PAH: variants seen among roughly 807,000 people sequenced by gnomAD.
The protein encoded by PAH is phenylalanine hydroxylase.
Under a neutral mutation model 62.0 loss-of-function variants are expected in PAH, and 64 were observed. That is an observed-to-expected ratio of 1.03 (90% CI 0.84 to 1.27). The LOEUF (loss-of-function observed/expected upper bound fraction) is 1.27, where lower values mean the gene tolerates loss of function less well. Among genes scored for constraint, PAH ranks in the 50% most tolerant of loss-of-function variants. PAH has a pLI of 0.00. For missense variants in PAH, 579 were observed against 542.8 expected (o/e 1.07, Z -0.66); for synonymous variants, 195 against 196.2 (o/e 0.99, Z 0.05).
At chr12:102,886,920 A>G (rs1455794829) in intron 3 of PAH, among the ~76,000 whole-genome samples, 1 of 152,160 alleles carries the variant, frequency 6.6e-6, no homozygotes, top group Non-Finnish European at 1.5e-5. Flanking sequence ...ATTAGGAGAT[A>G]GATGTGAATG....
chr12:102,882,661 TATATATATATATATAA>T (rs199689051), intron 3 of PAH, among the ~76,000 whole-genome samples: 26,158 of 101,784 alleles, frequency 0.26, 3,291 homozygotes, highest in East Asian at 0.69. Context: ...TATATATATA[TATATATATATATATAA>T]AATTTTTTTC....
At chr12:102,851,644 G>T in intron 8 of PAH, 43 bp downstream of exon 8, 1 of 1,542,528 alleles carries the variant, frequency 6.5e-7, no homozygotes, top group Non-Finnish European at 9.0e-7. Flanking sequence ...AGAAATTCAG[G>T]TCACAGACCT....
At chr12:102,954,037 G>A (rs892844470), upstream of PAH, among the ~76,000 whole-genome samples, 24 of 152,288 alleles carry the variant, frequency 1.6e-4, no homozygotes, top group Middle Eastern at 6.8e-3. Context: ...AGATAAATGG[G>A]ACATTGTTCA....
chr12:102,932,792 GT>G (rs962469809), intron 1 of PAH, among the ~76,000 whole-genome samples: 22 of 151,952 alleles, frequency 1.4e-4, no homozygotes, highest in African/African-American at 5.1e-4. Flanking sequence ...CTACTGAAAG[GT>G]TTTTCATTAT....
chr12:102,874,846 G>A (rs1405468371), intron 4 of PAH, among the ~76,000 whole-genome samples: 1 of 152,202 alleles, frequency 6.6e-6, no homozygotes, highest in Non-Finnish European at 1.5e-5. Flanking sequence ...TTTTCAAAGT[G>A]ACTGCTTTGG....
chr12:102,889,947 G>A (rs914288763), intron 3 of PAH, among the ~76,000 whole-genome samples: 1 of 152,192 alleles, frequency 6.6e-6, no homozygotes, highest in Non-Finnish European at 1.5e-5. Context: ...AAGTCATCAG[G>A]AAAGAGGGTA....
upstream of PAH, among the ~76,000 whole-genome samples, chr12:102,952,882 C>A (rs577157593): frequency 9.2e-5 from 14 of 152,350 alleles, no homozygotes; most frequent in East Asian, 2.7e-3. Flanking sequence ...AAGCCAAATA[C>A]ATGGTTTGTG....
chr12:102,856,583 C>A (rs1278996718), intron 5 of PAH, among the ~76,000 whole-genome samples: 2 of 152,226 alleles, frequency 1.3e-5, no homozygotes, highest in Non-Finnish European at 2.9e-5. Flanking sequence ...AGGCACCCCC[C>A]AGCAGGGGCA....
chr12:102,899,204 T>G (rs998219497), intron 2 of PAH, among the ~76,000 whole-genome samples: 2 of 152,220 alleles, frequency 1.3e-5, no homozygotes, highest in Non-Finnish European at 2.9e-5. Flanking sequence ...ATCCCTGCCT[T>G]ATGTAGAGCT....
intron 2 of PAH, among the ~76,000 whole-genome samples, chr12:102,902,896 C>T (rs927247377): frequency 3.9e-5 from 6 of 152,202 alleles, no homozygotes; most frequent in Non-Finnish European, 8.8e-5. Context: ...ATTTCTTCCC[C>T]CACCCTCCCT....
rs2136639538 is a variant in PAH at position 102,846,913 on chromosome 12, G to A, written c.951C>T (p.Tyr317=). The part of the protein sequence containing the change: ...GLASLGAPDE[Y]IEKLATIYWF... Reference sequence around the variant, plus strand: ...GACTTACTGTGGCGAGCTTTTCAATGTATTCATCAGGTGCACCCAGAGAGG... The same window carrying A: ...GACTTACTGTGGCGAGCTTTTCAATATATTCATCAGGTGCACCCAGAGAGG... Residue 317 remains tyrosine, a synonymous_variant, in exon 9 of 13, where the codon TAC becomes TAT. Coordinates refer to ENST00000553106, the MANE Select transcript of PAH (RefSeq NM_000277.3). The A allele has an allele frequency of 6.2e-7, 1 of 1,613,568 alleles. No individual in the cohort carries two copies. Among genetic ancestry groups the A allele is most frequent in the East Asian group, 2.2e-5 (1 of 44,866 alleles).
chr12:102,890,483 T>C (rs866283504), intron 3 of PAH, among the ~76,000 whole-genome samples: 5 of 152,252 alleles, frequency 3.3e-5, no homozygotes, highest in Admixed American at 6.5e-5. Context: ...TCTTGGCAGA[T>C]GCCAGGTCGT....
intron 1 of PAH, among the ~76,000 whole-genome samples, chr12:102,946,263 G>C (rs981498443): frequency 1.3e-5 from 2 of 152,236 alleles, no homozygotes; most frequent in African/African-American, 2.4e-5. Flanking sequence ...GGCAACCCTT[G>C]CTGGGGATTC....
chr12:102,938,474 G>C (rs1177556987), intron 1 of PAH, among the ~76,000 whole-genome samples: 1 of 152,134 alleles, frequency 6.6e-6, no homozygotes, highest in Non-Finnish European at 1.5e-5. Flanking sequence ...AGGCTCTCTT[G>C]CTAACCCCCA....
intron 1 of PAH, among the ~76,000 whole-genome samples, chr12:102,945,426 T>A (rs944952677): frequency 6.6e-6 from 1 of 152,184 alleles, no homozygotes; most frequent in African/African-American, 2.4e-5. Context: ...CTCTTCAACA[T>A]CCAGGTGCCA....
chr12:102,863,154 C>G (rs1449680811), intron 5 of PAH, among the ~76,000 whole-genome samples: 2 of 152,136 alleles, frequency 1.3e-5, no homozygotes, highest in African/African-American at 4.8e-5. Context: ...ACATAAGTAC[C>G]TGTATGGTGT....
At chr12:102,854,974 G>T in intron 6 of PAH, 162 bp downstream of exon 6, 1 of 706,026 alleles carries the variant, frequency 1.4e-6, no homozygotes, top group Non-Finnish European at 2.6e-6. Flanking sequence ...GGAAGGCAGA[G>T]CACAGTGAAA....
chr12:102,940,853 C>T (rs545393953), intron 1 of PAH, among the ~76,000 whole-genome samples: 2 of 151,880 alleles, frequency 1.3e-5, no homozygotes, highest in Admixed American at 6.6e-5. Flanking sequence ...GATGACCATC[C>T]CCAAGACACA....
intron 2 of PAH, among the ~76,000 whole-genome samples, chr12:102,912,201 C>T (rs1375327579): frequency 2.0e-5 from 3 of 152,000 alleles, no homozygotes; most frequent in African/African-American, 7.3e-5. Context: ...ATAATATGCC[C>T]GAATTTCCCA....
Sources: gnomAD v4.1 joint callset for allele counts (sites outside exome capture counted in the v4.1 genomes callset) on GRCh38, gnomAD v4.1.1 for gene constraint, MANE v1.5 for transcripts, NCBI Gene and HGNC (gene_info 2026-07-23, HGNC 2026-07-21) for gene names.